The following GMDS variants were observed in gnomAD, a reference collection of about 807,000 sequenced individuals.
GMDS encodes the protein GDP-mannose 4,6 dehydratase.
In GMDS, 20 loss-of-function variants were observed where a neutral mutation model predicts 49.9. The observed-to-expected ratio is 0.40, with a 90% CI of 0.28 to 0.58. The LOEUF (loss-of-function observed/expected upper bound fraction) is 0.58, where lower values mean the gene tolerates loss of function less well. GMDS is among the 20% of genes least tolerant of loss of function. The pLI, the probability that GMDS is intolerant of heterozygous loss-of-function variation, is 0.42. For missense variants in GMDS, 362 were observed against 481.4 expected (o/e 0.75, Z 2.32); for synonymous variants, 177 against 178.6 (o/e 0.99, Z 0.07).
chr6:1,743,025 C>A lies in GMDS; in HGVS notation c.772-439G>T, dbSNP rs562706737. 1.2e-4 allele frequency among the ~76,000 whole-genome samples: 18 copies of A among 152,162 alleles called. 1 individual carries two copies. In the South Asian group the frequency reaches 1.9e-3, roughly 16 times the overall value. ...CATAGATAGTAGTCAAGGAAAAAAA[C>A]CATTTAAAGACAGGTATTTGTCCTC... is the stretch of plus-strand genomic sequence containing the variant. On this transcript the variant is annotated intron_variant, in intron 7 of 10. Coordinates refer to ENST00000380815, the MANE Select transcript of GMDS (RefSeq NM_001500.4).
At chr6:1,864,220 G>A (rs865953471) in intron 7 of GMDS, among the ~76,000 whole-genome samples, 2 of 152,096 alleles carry the variant, frequency 1.3e-5, no homozygotes, top group Non-Finnish European at 2.9e-5. Flanking sequence ...GCAGAGATTT[G>A]GGAAGCTATT....
At chr6:2,048,076 T>C (rs749997277) in intron 4 of GMDS, among the ~76,000 whole-genome samples, 3 of 152,214 alleles carry the variant, frequency 2.0e-5, no homozygotes, top group Non-Finnish European at 4.4e-5. Flanking sequence ...CAGCCATTAT[T>C]CATGTGTACA....
At position 2,191,100 on chromosome 6, in the gene GMDS, G is replaced by A. The variant is rs1190189994; in HGVS notation, c.102+54221C>T. Among the ~76,000 whole-genome samples, 4 of 152,054 alleles carry A rather than the reference G, an allele frequency of 2.6e-5. No homozygotes were observed. In the South Asian group the frequency reaches 6.2e-4, roughly 24 times the overall value. On this transcript the variant is annotated intron_variant, in intron 1 of 10. Coordinates refer to ENST00000380815, the MANE Select transcript of GMDS (RefSeq NM_001500.4). The surrounding 1 kb of genome is among the most constrained non-coding windows in gnomAD (Gnocchi z 4.6). ...ACCCAGCCAGTGGTGCGGTCACCAC[G>A]CCCACTGCACCAAGGGTGCCGTGTT...
At chr6:2,173,807 C>G (rs1778139421) in intron 1 of GMDS, among the ~76,000 whole-genome samples, 1 of 152,234 alleles carries the variant, frequency 6.6e-6, no homozygotes, top group African/African-American at 2.4e-5. Context: ...TCCACACCCA[C>G]TGAGTCTTAC....
intron 1 of GMDS, among the ~76,000 whole-genome samples, chr6:2,187,039 T>G (rs1778809498): frequency 6.6e-6 from 1 of 152,246 alleles, no homozygotes; most frequent in African/African-American, 2.4e-5. Context: ...GTCAATCGTA[T>G]TTCCTATTTT....
intron 8 of GMDS, among the ~76,000 whole-genome samples, chr6:1,727,568 T>C (rs970644624): frequency 5.9e-5 from 9 of 152,116 alleles, no homozygotes; most frequent in Non-Finnish European, 1.2e-4. Context: ...GTCAGAGTCA[T>C]CATGGGGAAG....
chr6:1,633,857 G>A (rs1283912006), intron 9 of GMDS, among the ~76,000 whole-genome samples: 1 of 152,124 alleles, frequency 6.6e-6, no homozygotes, highest in South Asian at 2.1e-4. Context: ...TGGTCACAAG[G>A]CTCTGCTGTC....
intron 8 of GMDS, among the ~76,000 whole-genome samples, chr6:1,741,662 A>C (rs947173980): frequency 6.6e-6 from 1 of 151,460 alleles, no homozygotes. Context: ...AAATACAAAA[A>C]TTAGCTGGGC....
At chr6:1,698,938 CACA>C (rs928691837) in intron 9 of GMDS, among the ~76,000 whole-genome samples, 1 of 152,114 alleles carries the variant, frequency 6.6e-6, no homozygotes, top group African/African-American at 2.4e-5. Context: ...AGCAGACACT[CACA>C]ACAAGCCACA....
chr6:1,732,789 G>A (rs549428331), intron 8 of GMDS, among the ~76,000 whole-genome samples: 1 of 152,324 alleles, frequency 6.6e-6, no homozygotes, highest in East Asian at 1.9e-4. Context: ...GGAAGCAGGG[G>A]TAGGAGACAG....
intron 8 of GMDS, among the ~76,000 whole-genome samples, chr6:1,730,015 C>A (rs1581517620): frequency 6.6e-6 from 1 of 152,198 alleles, no homozygotes; most frequent in Middle Eastern, 3.4e-3. Flanking sequence ...CTTGTAGTGA[C>A]CATGAGTCAA....
chr6:2,200,035 G>A (rs917365633), intron 1 of GMDS, among the ~76,000 whole-genome samples: 1 of 152,128 alleles, frequency 6.6e-6, no homozygotes, highest in Non-Finnish European at 1.5e-5. Context: ...GGAAATCTCT[G>A]CCTTGTACAA....
chr6:1,957,612 T>C (rs1581419825), intron 6 of GMDS, among the ~76,000 whole-genome samples: 1 of 152,296 alleles, frequency 6.6e-6, no homozygotes. Flanking sequence ...AGAGATTTAA[T>C]AGAAGCCTGA....
intron 6 of GMDS, among the ~76,000 whole-genome samples, chr6:1,940,920 A>T (rs1409095998): frequency 1.3e-5 from 2 of 152,166 alleles, no homozygotes; most frequent in African/African-American, 4.8e-5. Flanking sequence ...TAGGAGCGTC[A>T]CTGGCCTTTA....
intron 4 of GMDS, among the ~76,000 whole-genome samples, chr6:1,994,762 G>C (rs962548321): frequency 6.6e-6 from 1 of 151,982 alleles, no homozygotes; most frequent in Non-Finnish European, 1.5e-5. Context: ...AGGTTGGGAG[G>C]AAGGGCACAC....
At chr6:2,049,078 C>T (rs1004177775) in intron 4 of GMDS, among the ~76,000 whole-genome samples, 4 of 152,148 alleles carry the variant, frequency 2.6e-5, no homozygotes, top group African/African-American at 9.7e-5. Flanking sequence ...AGCGAGCCCT[C>T]AACAAGAACT....
chr6:2,122,347 G>GAT (rs1459592995), intron 2 of GMDS, among the ~76,000 whole-genome samples: 2 of 152,138 alleles, frequency 1.3e-5, no homozygotes, highest in African/African-American at 4.8e-5. Context: ...GAGTGATTCT[G>GAT]ATGCACACTA....
At chr6:1,798,135 A>G (rs1213243428) in intron 7 of GMDS, among the ~76,000 whole-genome samples, 1 of 152,134 alleles carries the variant, frequency 6.6e-6, no homozygotes, top group African/African-American at 2.4e-5. Flanking sequence ...AGCTTCAGAA[A>G]AGCACTCATT....
chr6:2,227,969 G>A (rs185821350), intron 1 of GMDS, among the ~76,000 whole-genome samples: 45 of 152,316 alleles, frequency 3.0e-4, no homozygotes, highest in African/African-American at 9.9e-4. Flanking sequence ...GCCCTTTCTC[G>A]GCACGTGGCC....
Sources: allele counts gnomAD v4.1 joint callset (sites outside exome capture counted in the v4.1 genomes callset), GRCh38; gene constraint gnomAD v4.1.1; non-coding constraint Gnocchi (gnomAD v3.1); transcripts MANE v1.5; gene names NCBI Gene and HGNC (gene_info 2026-07-23, HGNC 2026-07-21).